The following EEF1AKMT2 variants were observed in gnomAD, a reference collection of about 807,000 sequenced individuals.
The protein encoded by EEF1AKMT2 is eukaryotic translation elongation factor 1 alpha lysine methyltransferase 2.
A neutral mutation model predicts 35.8 loss-of-function variants in EEF1AKMT2; 32 were observed. The ratio of observed to expected loss-of-function variants is 0.89; its 90% CI spans 0.67 to 1.20. The LOEUF (loss-of-function observed/expected upper bound fraction) is 1.20, where lower values mean the gene tolerates loss of function less well. Among genes scored for constraint, EEF1AKMT2 ranks in the 50% most tolerant of loss-of-function variants. The pLI is 0.00. For synonymous variants in EEF1AKMT2, 121 were observed against 133.7 expected, an observed-to-expected ratio of 0.91 and a Z score of 0.65; for missense variants, 330 against 347.5, an observed-to-expected ratio of 0.95 and a Z score of 0.40.
rs1022591996 is a variant in EEF1AKMT2, at chr10:124,787,398, A to C, written c.291+1645T>G. ...CAGTGAGCCAAGATCGTGAGACTGC[A>C]CTCCAGCCTGGGTGTCAGAGCCAAG... On this transcript the variant is annotated intron_variant, in intron 3 of 6. Coordinates refer to ENST00000368836, the MANE Select transcript of EEF1AKMT2 (RefSeq NM_212554.4). Among the ~76,000 whole-genome samples the C allele has an allele frequency of 3.1e-5, 4 of 130,154 alleles. No individual in the cohort carries two copies. In the East Asian group the frequency reaches 9.7e-4, roughly 31 times the overall value. The allele number at this position is 130,154 out of a possible 152,430, so 85.4% of individuals were successfully genotyped here.
At position 124,760,299 on chromosome 10, in the gene EEF1AKMT2, G is replaced by T; in HGVS notation, c.*204C>A. The T allele has an allele frequency of 1.6e-6, 1 of 642,354 alleles. No homozygotes were observed. Among genetic ancestry groups the T allele is most frequent in the South Asian group, 2.1e-5 (1 of 47,978 alleles). The allele number at this position is 642,354 out of a possible 1,614,324, so 39.8% of individuals were successfully genotyped here. ...CAATCCAGTATACTCTATTCAACAT[G>T]TGCATCCTGTGTACTTACTAAGCAT... On this transcript the variant is annotated 3_prime_UTR_variant, in exon 7 of 7. Coordinates refer to ENST00000368836, the MANE Select transcript of EEF1AKMT2 (RefSeq NM_212554.4).
chr10:124,773,196 TG>T (rs1950454075), intron 4 of EEF1AKMT2, among the ~76,000 whole-genome samples: 1 of 152,172 alleles, frequency 6.6e-6, no homozygotes, highest in East Asian at 1.9e-4. Flanking sequence ...TTTTTATCCT[TG>T]TTTTTTTATT....
chr10:124,772,082 T>A (rs1182646623), intron 4 of EEF1AKMT2, among the ~76,000 whole-genome samples: 1 of 152,198 alleles, frequency 6.6e-6, no homozygotes, highest in African/African-American at 2.4e-5. Flanking sequence ...AAAGAAGATC[T>A]AGCATAATTC....
rs1283512860 is a variant in EEF1AKMT2 at position 124,791,811 on chromosome 10, C to CTG, written c.22_23insCA (p.Gly8AlafsTer59). 6.9e-6 allele frequency: 11 copies of CTG among 1,585,952 alleles called. No homozygotes were observed. The highest frequency in any genetic ancestry group is 9.4e-6 in the Non-Finnish European group (11 of 1,171,698). On this transcript the variant is annotated frameshift_variant, in exon 1 of 7. Coordinates refer to ENST00000368836, the MANE Select transcript of EEF1AKMT2 (RefSeq NM_212554.4). LOFTEE classifies it high-confidence loss of function. ...CCGCGCCGCCACCGCAGCGCCACCG[C>CTG]CGCCGTCAGCGCCCGAGCTCATTTC...
At chr10:124,782,633 G>A (rs1167227756) in intron 3 of EEF1AKMT2, among the ~76,000 whole-genome samples, 18 of 136,038 alleles carry the variant, frequency 1.3e-4, no homozygotes, top group Non-Finnish European at 1.7e-4. Flanking sequence ...ACAACAGGGC[G>A]AAACCCCGTC....
At chr10:124,757,590 G>A (rs1383287269), downstream of EEF1AKMT2, among the ~76,000 whole-genome samples, 1 of 151,974 alleles carries the variant, frequency 6.6e-6, no homozygotes, top group Non-Finnish European at 1.5e-5. Context: ...GGATAAATGT[G>A]AATTGAGGTC....
rs558218197 is a variant in EEF1AKMT2, at chr10:124,781,180, G to A, written c.292-6398C>T. ...AGGATGGTCTCGATCTCCCGACCTCGTGATCTGCCCGCCTCGGCCTCCCAA... is the reference window on the plus strand; with the variant it reads ...AGGATGGTCTCGATCTCCCGACCTCATGATCTGCCCGCCTCGGCCTCCCAA... On this transcript the variant is annotated intron_variant, in intron 3 of 6. Transcript: ENST00000368836. Among the ~76,000 whole-genome samples the A allele has an allele frequency of 2.3e-3, 357 of 152,010 alleles. 4 individuals carry two copies. The highest frequency in any genetic ancestry group is 0.021 in the South Asian group (99 of 4,818).
At chr10:124,787,788 A>C (rs1175528333) in intron 3 of EEF1AKMT2, among the ~76,000 whole-genome samples, 1 of 151,938 alleles carries the variant, frequency 6.6e-6, no homozygotes, top group Non-Finnish European at 1.5e-5. Flanking sequence ...TTCAAGGGGA[A>C]TTTCTAGAGT....
intron 4 of EEF1AKMT2, among the ~76,000 whole-genome samples, chr10:124,769,832 A>G (rs910123964): frequency 6.6e-6 from 1 of 151,478 alleles, no homozygotes; most frequent in African/African-American, 2.4e-5. Flanking sequence ...CTATAATCCC[A>G]GCTACTCGGA....
At chr10:124,778,091 T>A (rs1453131707) in intron 3 of EEF1AKMT2, among the ~76,000 whole-genome samples, 1 of 151,860 alleles carries the variant, frequency 6.6e-6, no homozygotes, top group Admixed American at 6.6e-5. Context: ...CTTGGGAGGC[T>A]GAGGCAGGAG....
chr10:124,763,571 T>C (rs1950350929), intron 5 of EEF1AKMT2, among the ~76,000 whole-genome samples: 1 of 152,194 alleles, frequency 6.6e-6, no homozygotes, highest in African/African-American at 2.4e-5. Flanking sequence ...TAATTATTTA[T>C]ATAACATTTC....
At chr10:124,768,147 AGG>A (rs1387714202) in intron 4 of EEF1AKMT2, among the ~76,000 whole-genome samples, 18 of 152,346 alleles carry the variant, frequency 1.2e-4, no homozygotes, top group African/African-American at 4.3e-4. Context: ...GACATGTTTC[AGG>A]AACAGAAGAA....
At chr10:124,783,974 A>G (rs909265383) in intron 3 of EEF1AKMT2, among the ~76,000 whole-genome samples, 23 of 152,072 alleles carry the variant, frequency 1.5e-4, no homozygotes, top group African/African-American at 4.6e-4. Flanking sequence ...ACAGGCATGC[A>G]CCACCACGCC....
At chr10:124,774,370 G>C (rs1950468089) in intron 4 of EEF1AKMT2, among the ~76,000 whole-genome samples, 1 of 31,716 alleles carries the variant, frequency 3.2e-5, no homozygotes, top group Non-Finnish European at 5.9e-5. Context: ...GCGAGACTCA[G>C]TCTCAAAAAA....
chr10:124,767,337 C>A (rs1288730500), intron 4 of EEF1AKMT2, among the ~76,000 whole-genome samples: 1 of 149,060 alleles, frequency 6.7e-6, no homozygotes, highest in Non-Finnish European at 1.5e-5. Context: ...CACGGTGAAA[C>A]CCTGTCTCTA....
At chr10:124,772,836 G>A (rs1043783377) in intron 4 of EEF1AKMT2, among the ~76,000 whole-genome samples, 20 of 152,198 alleles carry the variant, frequency 1.3e-4, no homozygotes, top group African/African-American at 4.6e-4. Flanking sequence ...AAAGAGTCAA[G>A]GCCTTGCTCT....
At position 124,765,605 on chromosome 10, in the gene EEF1AKMT2, C is replaced by T; in HGVS notation, c.403G>A (p.Glu135Lys). The T allele has an allele frequency of 6.2e-7, 1 of 1,612,018 alleles. No homozygotes were observed. The highest frequency in any genetic ancestry group is 2.2e-5 in the East Asian group (1 of 44,792). ...TGTGTGGAGAGATTCAAAAAGTCTTCTACCTATATTAAAAGTCAATGTCTA... is the reference window on the plus strand; with the variant it reads ...TGTGTGGAGAGATTCAAAAAGTCTTTTACCTATATTAAAAGTCAATGTCTA... Reference protein sequence around the residue: ...EGLSNIKLKVEDFLNLSTQLS... With the variant: ...EGLSNIKLKVKDFLNLSTQLS... Residue 135 changes from glutamate to lysine, a missense_variant, in exon 5 of 7, where the codon GAA (glutamate) becomes AAA (lysine). By Grantham distance (56) the Glu-to-Lys change is moderately conservative. Transcript: ENST00000368836.
At position 124,786,611 on chromosome 10, in the gene EEF1AKMT2, T is replaced by C. The variant is rs11816861; in HGVS notation, c.291+2432A>G. Among the ~76,000 whole-genome samples, 986 of 151,620 alleles carry C rather than the reference T, an allele frequency of 6.5e-3. 19 individuals carry two copies. The highest frequency in any genetic ancestry group is 0.023 in the African/African-American group (946 of 41,330). On this transcript the variant is annotated intron_variant, in intron 3 of 6. Transcript: ENST00000368836. Reference sequence around the variant, plus strand: ...GATGGATTACCTGAGGTCAGGAGTTTGAGAACAGCTGGCCAACATAGCAGA... The same window carrying C: ...GATGGATTACCTGAGGTCAGGAGTTCGAGAACAGCTGGCCAACATAGCAGA...
rs536432782 is a variant in EEF1AKMT2, at chr10:124,778,037, C to G, written c.292-3255G>C. On this transcript the variant is annotated intron_variant, in intron 3 of 6. Coordinates refer to ENST00000368836, the MANE Select transcript of EEF1AKMT2 (RefSeq NM_212554.4). ...TGAAACCCCATCTCTACTAAACACA[C>G]AAAATTAGCCAGGCGTGGTGGCGGG... Among the ~76,000 whole-genome samples, 5 of 151,872 alleles carry G rather than the reference C, an allele frequency of 3.3e-5. No homozygotes were observed. The South Asian group carries it at 1.0e-3, about 32-fold the overall frequency.
Sources: allele counts gnomAD v4.1 joint callset (sites outside exome capture counted in the v4.1 genomes callset), GRCh38; gene constraint gnomAD v4.1.1; transcripts MANE v1.5; gene names NCBI Gene and HGNC (gene_info 2026-07-23, HGNC 2026-07-21).